Variants in SLC35E4 observed in about 807,000 individuals in gnomAD.
SLC35E4 encodes the protein solute carrier family 35 member E4.
A neutral mutation model predicts 19.3 loss-of-function variants in SLC35E4; 15 were observed. The observed-to-expected ratio is 0.78, with a 90% confidence interval of 0.52 to 1.20. The LOEUF (loss-of-function observed/expected upper bound fraction) is 1.20, where lower values mean the gene tolerates loss of function less well. SLC35E4 is among the 50% of genes most tolerant of loss of function. The pLI is 0.00. For missense variants in SLC35E4, 406 were observed against 472.3 expected (o/e 0.86, Z 1.30); for synonymous variants, 219 against 219.9 (o/e 1.00, Z 0.04).
intron 1 of SLC35E4, among the ~76,000 whole-genome samples, chr22:30,643,092 C>T (rs1569058424): frequency 1.3e-5 from 2 of 151,368 alleles, no homozygotes; most frequent in African/African-American, 2.4e-5. Flanking sequence ...GCAGGGCCAG[C>T]GACTTCCCTC....
downstream of SLC35E4, among the ~76,000 whole-genome samples, chr22:30,651,440 T>A (rs1441361298): frequency 1.3e-4 from 8 of 63,972 alleles, no homozygotes; most frequent in Non-Finnish European, 2.6e-4. Context: ...TTTTTTTTTT[T>A]TTTTTTTTTT....
At chr22:30,666,789 T>C (rs936689898), downstream of SLC35E4, 4 of 151,886 alleles carry the variant, frequency 2.6e-5, no homozygotes, top group Admixed American at 6.6e-5. Flanking sequence ...AGCTTGAAAA[T>C]AGGATAACAG....
intron 1 of SLC35E4, among the ~76,000 whole-genome samples, chr22:30,642,476 G>A (rs936409241): frequency 6.6e-6 from 1 of 151,924 alleles, no homozygotes; most frequent in Non-Finnish European, 1.5e-5. Context: ...GGTGGCTCAC[G>A]CCTGTAATCC....
chr22:30,647,280 C>T lies in SLC35E4; in HGVS notation c.*249C>T, dbSNP rs981550999. 11 of 508,192 alleles carry T rather than the reference C, an allele frequency of 2.2e-5. No homozygotes were observed. The highest frequency in any genetic ancestry group is 3.8e-5 in the Non-Finnish European group (11 of 287,638). The allele number at this position is 508,192 out of a possible 1,614,324, so 31.5% of individuals were successfully genotyped here. ...GGGCATGGTGGCGCGTGCCTATAGT[C>T]CCAGCTACATGGGAGGCTAAGGTGG... On this transcript the variant is annotated 3_prime_UTR_variant, in exon 2 of 2. Transcript: ENST00000343605.
At chr22:30,638,279 A>G (rs1394545640) in intron 1 of SLC35E4, among the ~76,000 whole-genome samples, 1 of 151,500 alleles carries the variant, frequency 6.6e-6, no homozygotes, top group Non-Finnish European at 1.5e-5. Flanking sequence ...AGGCGGGTGG[A>G]TCATGAGGTC....
At position 30,636,236 on chromosome 22, in the gene SLC35E4, C is replaced by T; in HGVS notation, c.-215C>T. 3 of 623,448 alleles carry T rather than the reference C, an allele frequency of 4.8e-6. No individual in the cohort carries two copies. Among genetic ancestry groups the T allele is most frequent in the South Asian group, 3.5e-5 (1 of 28,866 alleles). 38.6% of individuals were successfully genotyped at this position (623,448 alleles called of 1,614,324 possible). A position where few individuals can be genotyped will look rare whatever the true frequency, so the allele number is the denominator to read the frequency against. ...GGAGACCCTGGCATCCTAGCAGCCGCGACCTTGGCTCTGCCCTGTCTGAGC... is the reference window on the plus strand; with the variant it reads ...GGAGACCCTGGCATCCTAGCAGCCGTGACCTTGGCTCTGCCCTGTCTGAGC... On this transcript the variant is annotated 5_prime_UTR_variant, in exon 1 of 2. Coordinates refer to ENST00000343605, the MANE Select transcript of SLC35E4 (RefSeq NM_001001479.4).
At chr22:30,651,329 T>C (rs2088205606), downstream of SLC35E4, among the ~76,000 whole-genome samples, 1 of 145,540 alleles carries the variant, frequency 6.9e-6, no homozygotes, top group South Asian at 2.2e-4. Context: ...GCCTCCTGAG[T>C]AGCTGGGATT....
chr22:30,661,132 C>T (rs780530841), intron 2 of SLC35E4, among the ~76,000 whole-genome samples: 1 of 152,074 alleles, frequency 6.6e-6, no homozygotes, highest in Non-Finnish European at 1.5e-5. Context: ...TGAGCCACCA[C>T]GCCCGGCCTC....
chr22:30,651,013 T>A (rs2088199736), downstream of SLC35E4, among the ~76,000 whole-genome samples: 1 of 150,054 alleles, frequency 6.7e-6, no homozygotes, highest in Admixed American at 6.7e-5. Context: ...ACAAGGATTG[T>A]GAGTCCTTGT....
chr22:30,662,828 A>C (rs2088516068), exon 3 of SLC35E4: 1 of 152,654 alleles, frequency 6.6e-6, no homozygotes, highest in East Asian at 1.9e-4. Context: ...GACAGTTTCA[A>C]AAAAAGACAA....
chr22:30,638,458 C>T (rs2087984150), intron 1 of SLC35E4, among the ~76,000 whole-genome samples: 1 of 144,604 alleles, frequency 6.9e-6, no homozygotes, highest in South Asian at 2.2e-4. Context: ...GCCAAGATCG[C>T]CCCACTGCAC....
intron 2 of SLC35E4, among the ~76,000 whole-genome samples, chr22:30,653,452 A>G (rs1602087372): frequency 6.7e-6 from 1 of 150,148 alleles, no homozygotes; most frequent in Non-Finnish European, 1.5e-5. Context: ...GCTCACTGCA[A>G]CCTCCGCCTC....
chr22:30,661,895 A>AG (rs1440163644), intron 2 of SLC35E4: 1 of 152,152 alleles, frequency 6.6e-6, no homozygotes, highest in Admixed American at 6.6e-5. Context: ...ACTGTTTAGA[A>AG]GTGATTGGGG....
chr22:30,654,591 A>G, intron 2 of SLC35E4: 1 of 463,870 alleles, frequency 2.2e-6, no homozygotes, highest in Non-Finnish European at 4.3e-6. Flanking sequence ...GGGACCCGGA[A>G]GTGGTGGGGG....
chr22:30,654,541 CG>C, intron 2 of SLC35E4: 1 of 438,524 alleles, frequency 2.3e-6, no homozygotes, highest in Non-Finnish European at 4.6e-6. Flanking sequence ...CTTGGTCTCG[CG>C]GGGCAGCATG....
downstream of SLC35E4, among the ~76,000 whole-genome samples, chr22:30,650,526 G>T (rs993319928): frequency 6.6e-6 from 1 of 151,966 alleles, no homozygotes; most frequent in African/African-American, 2.4e-5. Flanking sequence ...AAAGAACAGG[G>T]GCTCTGGAGT....
chr22:30,665,089 C>T (rs1009236512), downstream of SLC35E4: 6 of 154,390 alleles, frequency 3.9e-5, no homozygotes, highest in African/African-American at 1.4e-4. Context: ...TCATTAGACT[C>T]TCGGACCCTC....
downstream of SLC35E4, chr22:30,667,845 G>A (rs11912792): frequency 0.24 from 37,065 of 152,464 alleles, 5,886 homozygotes; most frequent in African/African-American, 0.45. Context: ...CCGAGAGACA[G>A]TCTCACCGCT....
At chr22:30,655,518 T>A (rs978452609) in intron 2 of SLC35E4, among the ~76,000 whole-genome samples, 1 of 151,930 alleles carries the variant, frequency 6.6e-6, no homozygotes, top group Non-Finnish European at 1.5e-5. Flanking sequence ...TTTTTTTTTT[T>A]CTTCCAGGAA....
Sources: allele counts gnomAD v4.1 joint callset (sites outside exome capture counted in the v4.1 genomes callset), GRCh38; gene constraint gnomAD v4.1.1; transcripts MANE v1.5; gene names NCBI Gene and HGNC (gene_info 2026-07-23, HGNC 2026-07-21).